IRF7: variants seen among roughly 807,000 people sequenced by gnomAD.
IRF7 encodes the protein interferon regulatory factor 7.
In IRF7, 67 loss-of-function variants were observed where a neutral mutation model predicts 51.3. The observed-to-expected ratio is 1.31, with a 90% CI of 1.07 to 1.60. The LOEUF (loss-of-function observed/expected upper bound fraction) is 1.60. Among genes scored for constraint, IRF7 ranks in the 40% most tolerant of loss-of-function variants. The pLI is 0.00. For missense variants in IRF7, 873 were observed against 701.5 expected (o/e 1.24, Z -2.76); for synonymous variants, 427 against 301.3 (o/e 1.42, Z -4.32).
rs1856574534 is a variant in IRF7 at position 613,507 on chromosome 11, G to A, written c.936C>T (p.Phe312=). 3 of 1,556,828 alleles carry A rather than the reference G, an allele frequency of 1.9e-6. No individual in the cohort carries two copies. In the East Asian group the frequency reaches 6.7e-5, roughly 35 times the overall value. The change falls in exon 9 of 11, where the codon TTC becomes TTT. Residue 312 remains phenylalanine, a synonymous_variant. Transcript: ENST00000525445. ...CAGCTGGGTCTGGGGGGCCGTATAG[G>A]AACGTGCAGCTCGGGTGTCCCACCA... ...QKVVGHPSCT[F]LYGPPDPAVR... is the part of the protein sequence containing the mutation.
At chr11:614,607 C>T in intron 4 of IRF7, 73 bp from the exon 5 acceptor site, 1 of 1,509,710 alleles carries the variant, frequency 6.6e-7, no homozygotes. Flanking sequence ...GGTGTAGCCC[C>T]CACCAGCTTC....
rs1456471746 is a variant in IRF7, at chr11:615,078, G to A, written c.183+19C>T. ...GGCGGGCTCTCCCACCCGGGGCGGG[G>A]CGGGGCTGGGGTCCCCACCTTGAAG... On this transcript the variant is annotated intron_variant, in intron 3 of 10. Coordinates refer to ENST00000525445, the MANE Select transcript of IRF7 (RefSeq NM_001572.5). 18 of 1,567,978 alleles carry A rather than the reference G, an allele frequency of 1.1e-5. No individual in the cohort carries two copies. The highest frequency in any genetic ancestry group is 1.5e-5 in the Non-Finnish European group (18 of 1,163,288).
chr11:613,441 A>C lies in IRF7; in HGVS notation c.1002T>G (p.Pro334=). 2 of 1,554,734 alleles carry C rather than the reference A, an allele frequency of 1.3e-6. No homozygotes were observed. The highest frequency in any genetic ancestry group is 1.7e-6 in the Non-Finnish European group (2 of 1,150,390). The change falls in exon 9 of 11, where the codon CCT becomes CCG. Residue 334 remains proline, a synonymous_variant. Coordinates refer to ENST00000525445, the MANE Select transcript of IRF7 (RefSeq NM_001572.5). ...GCTGCTTCTGGTCCGGGAGCTCGGC[A>C]GGGCTGGGGAATGCTACCTGCTGGG... ...TDPQQVAFPS[P]AELPDQKQLR...
Position 615,145 on chromosome 11 carries a change from C to G in IRF7, c.135G>C (p.Lys45Asn), listed in dbSNP as rs1856764204. The G allele has an allele frequency of 6.2e-7, 1 of 1,603,532 alleles. No individual in the cohort carries two copies. The highest frequency in any genetic ancestry group is 8.5e-7 in the Non-Finnish European group (1 of 1,179,194). ...CGCTCAGGTCCTTGCGCGCGAAGTG[C>G]TTCCAGGGCACGCGGAAACAGGTGC... ...EARTCFRVPW[K>N]HFARKDLSEA... The change falls in exon 3 of 11, where the codon AAG becomes AAC. Residue 45 changes from lysine to asparagine, a missense_variant. Lys to Asn is a moderately conservative substitution (Grantham distance 94, BLOSUM62 0). Transcript: ENST00000525445.
rs57703675 is a variant in IRF7 at position 615,904 on chromosome 11, C to A, written c.-284+9G>T. On this transcript the variant is annotated intron_variant, in intron 1 of 10. Transcript: ENST00000525445. ...GGCCTGCACCGCGTGGGTCTGGGGT[C>A]CCCAGTACCTGGGTGCCAGAGCCGC... 1,451 of 154,234 alleles carry A rather than the reference C, an allele frequency of 9.4e-3. 21 individuals are homozygous for A. The highest frequency in any genetic ancestry group is 0.033 in the African/African-American group (1,373 of 41,640). The allele number at this position is 154,234 out of a possible 1,614,324, so 9.6% of individuals were successfully genotyped here. A position where few individuals can be genotyped will look rare whatever the true frequency, so the allele number is the denominator to read the frequency against.
chr11:612,661 A>C lies in IRF7; in HGVS notation c.1496T>G (p.Leu499Arg), dbSNP rs1339972899. Reference sequence around the variant, plus strand: ...GACTGGGTTCTAGGCGGGCTGCTCCAGCTCCATAAGGAAGCACTCGATGTC... The same window carrying C: ...GACTGGGTTCTAGGCGGGCTGCTCCCGCTCCATAAGGAAGCACTCGATGTC... ...YDDIECFLME[L>R]EQPA The change falls in exon 11 of 11, where the codon CTG (leucine) becomes CGG (arginine). Residue 499 changes from leucine (L) to arginine (R), a missense_variant. Coordinates refer to ENST00000525445, the MANE Select transcript of IRF7 (RefSeq NM_001572.5). 6.2e-7 allele frequency: 1 copy of C among 1,612,948 alleles called. No homozygotes were observed. Among genetic ancestry groups the C allele is most frequent in the Non-Finnish European group, 8.5e-7 (1 of 1,179,998 alleles).
Position 613,463 on chromosome 11 carries a change from T to G in IRF7, c.980A>C (p.Gln327Pro). Reference sequence around the variant, plus strand: ...GGCAGGGCTGGGGAATGCTACCTGCTGGGGGTCTGTGGCCCGGACAGCTGG... The same window carrying G: ...GGCAGGGCTGGGGAATGCTACCTGCGGGGGGTCTGTGGCCCGGACAGCTGG... Reference protein sequence around the residue: ...PDPAVRATDPQQVAFPSPAEL... With the variant: ...PDPAVRATDPPQVAFPSPAEL... Residue 327 changes from glutamine to proline, a missense_variant, in exon 9 of 11, where the codon CAG (glutamine) becomes CCG (proline). Gln to Pro is a moderately conservative substitution (Grantham distance 76, BLOSUM62 -1). Coordinates refer to ENST00000525445, the MANE Select transcript of IRF7 (RefSeq NM_001572.5). 1 of 1,546,848 alleles carries G rather than the reference T, an allele frequency of 6.5e-7. No homozygotes were observed. Among genetic ancestry groups the G allele is most frequent in the Non-Finnish European group, 8.7e-7 (1 of 1,147,696 alleles).
In IRF7 at chr11:615,368, T is replaced by C; in HGVS notation, c.-4A>G. The stretch of plus-strand genomic sequence containing the variant: ...ACCTCTCAGGAGCCAAGGCCATTGC[T>C]CCTTCTGCAGGGGCAGTTAGGTGGC... On this transcript the variant is annotated 5_prime_UTR_variant, in exon 2 of 11. Coordinates refer to ENST00000525445, the MANE Select transcript of IRF7 (RefSeq NM_001572.5). 1 of 1,504,504 alleles carries C rather than the reference T, an allele frequency of 6.6e-7. No homozygotes were observed. Among genetic ancestry groups the C allele is most frequent in the Non-Finnish European group, 8.8e-7 (1 of 1,132,118 alleles). The allele number at this position is 1,504,504 out of a possible 1,614,324, so 93.2% of individuals were successfully genotyped here.
chr11:615,106 G>C lies in IRF7; in HGVS notation c.174C>G (p.Arg58=). 1.3e-6 allele frequency: 2 copies of C among 1,590,194 alleles called. No individual in the cohort carries two copies. Among genetic ancestry groups the C allele is most frequent in the Non-Finnish European group, 1.7e-6 (2 of 1,174,026 alleles). Residue 58 remains arginine (R), a synonymous_variant, in exon 3 of 11, where the codon CGC becomes CGG. Coordinates refer to ENST00000525445, the MANE Select transcript of IRF7 (RefSeq NM_001572.5). ...GGGCTGGGGTCCCCACCTTGAAGATGCGCGCGTCGGCCTCGCTCAGGTCCT... is the reference window on the plus strand; with the variant it reads ...GGGCTGGGGTCCCCACCTTGAAGATCCGCGCGTCGGCCTCGCTCAGGTCCT... ...ARKDLSEADA[R]IFKAWAVARG...
Position 615,487 on chromosome 11 carries a change from A to C in IRF7, c.-123T>G, listed in dbSNP as rs1856791421. On this transcript the variant is annotated 5_prime_UTR_variant, in exon 2 of 11. Transcript: ENST00000525445. Reference sequence around the variant, plus strand: ...GTGTGGCCAGGTGTCACAGGTGTCCACAGGTGTGGACTGAGGGCTTGTAGC... The same window carrying C: ...GTGTGGCCAGGTGTCACAGGTGTCCCCAGGTGTGGACTGAGGGCTTGTAGC... The C allele has an allele frequency of 3.5e-6, 4 of 1,137,708 alleles. No individual in the cohort carries two copies. The highest frequency in any genetic ancestry group is 4.8e-6 in the Non-Finnish European group (4 of 831,000). The allele number at this position is 1,137,708 out of a possible 1,614,324, so 70.5% of individuals were successfully genotyped here.
At position 613,459 on chromosome 11, in the gene IRF7, C is replaced by T. The variant is rs1251519354; in HGVS notation, c.984G>A (p.Gln328=). Residue 328 remains glutamine (Q), a synonymous_variant, in exon 9 of 11, where the codon CAG becomes CAA. Transcript: ENST00000525445. ...GCTCGGCAGGGCTGGGGAATGCTAC[C>T]TGCTGGGGGTCTGTGGCCCGGACAG... ...DPAVRATDPQ[Q]VAFPSPAELP... 4 of 1,548,872 alleles carry T rather than the reference C, an allele frequency of 2.6e-6. No homozygotes were observed. The highest frequency in any genetic ancestry group is 1.2e-5 in the South Asian group (1 of 81,050).
intron 5 of IRF7, 29 bp from the exon 6 acceptor site, chr11:614,428 G>A (rs1452863017): frequency 6.3e-7 from 1 of 1,584,420 alleles, no homozygotes. Flanking sequence ...GTGAACGTAA[G>A]CAGCTCCGCG....
At position 613,804 on chromosome 11, in the gene IRF7, G is replaced by A. The variant is rs774247150; in HGVS notation, c.828C>T (p.Ser276=). Residue 276 remains serine (S), a synonymous_variant, in exon 8 of 11, where the codon AGC becomes AGT. Transcript: ENST00000525445. ...ACTCACCTTGCACCGCGGTGCAGGC[G>A]CTTGGGGAGGGTGACAGGTACGGCT... The part of the protein sequence containing the change: ...QAEPYLSPSP[S]ACTAVQEPSP... 4.8e-5 allele frequency: 75 copies of A among 1,573,114 alleles called. 1 individual carries two copies. In the South Asian group the frequency reaches 7.1e-4, roughly 15 times the overall value.
At position 612,780 on chromosome 11, in the gene IRF7, T is replaced by G; in HGVS notation, c.1377A>C (p.Arg459=). Residue 459 remains arginine, a synonymous_variant, in exon 11 of 11, where the codon CGA becomes CGC. Coordinates refer to ENST00000525445, the MANE Select transcript of IRF7 (RefSeq NM_001572.5). ...CACGCTGCGTGCCCTCTAGGTGCAC[T>G]CGGCACAGCCAGGGTTCCAGCTGCC... ...VLVKLEPWLC[R]VHLEGTQREG... The G allele has an allele frequency of 1.9e-6, 3 of 1,611,078 alleles. No individual in the cohort carries two copies. The highest frequency in any genetic ancestry group is 3.4e-4 in the Middle Eastern group (2 of 5,970).
Position 615,124 on chromosome 11 carries a change from C to T in IRF7, c.156G>A (p.Leu52=), listed in dbSNP as rs1457916379. 2.5e-6 allele frequency: 4 copies of T among 1,600,138 alleles called. No homozygotes were observed. In the East Asian group the frequency reaches 9.0e-5, roughly 36 times the overall value. The part of the protein sequence containing the change: ...VPWKHFARKD[L]SEADARIFKA... ...TGAAGATGCGCGCGTCGGCCTCGCT[C>T]AGGTCCTTGCGCGCGAAGTGCTTCC... Residue 52 remains leucine (L), a synonymous_variant, in exon 3 of 11, where the codon CTG becomes CTA. Coordinates refer to ENST00000525445, the MANE Select transcript of IRF7 (RefSeq NM_001572.5).
Position 613,467 on chromosome 11 carries a change from G to C in IRF7, c.976C>G (p.Pro326Ala). 1.3e-6 allele frequency: 2 copies of C among 1,547,248 alleles called. No individual in the cohort carries two copies. The highest frequency in any genetic ancestry group is 2.0e-5 in the Admixed American group (1 of 49,992). ...GGGCTGGGGAATGCTACCTGCTGGG[G>C]GTCTGTGGCCCGGACAGCTGGGTCT... ...PPDPAVRATD[P>A]QQVAFPSPAE... The change falls in exon 9 of 11, where the codon CCC becomes GCC. Residue 326 changes from proline to alanine, a missense_variant. By Grantham distance (27) the Pro-to-Ala change is conservative. Coordinates refer to ENST00000525445, the MANE Select transcript of IRF7 (RefSeq NM_001572.5).
chr11:614,490 C>A lies in IRF7; in HGVS notation c.439G>T (p.Val147Phe), dbSNP rs765552656. 1.3e-6 allele frequency: 2 copies of A among 1,563,702 alleles called. No individual in the cohort carries two copies. The highest frequency in any genetic ancestry group is 2.3e-5 in the South Asian group (2 of 85,216). The change falls in exon 5 of 11, where the codon GTC (valine) becomes TTC (phenylalanine). Residue 147 changes from valine to phenylalanine, a missense_variant. Coordinates refer to ENST00000525445, the MANE Select transcript of IRF7 (RefSeq NM_001572.5). ...GAGAAGGGTACCTGTGGTGGTGGGA[C>A]AGCTGCGGGGGCCTCTGCCTCAGTC... The part of the protein sequence containing the change: ...DQTEAEAPAA[V>F]PPPQGGPPGP...
At chr11:615,732 C>G (rs1238016922) in intron 1 of IRF7, 85 bp from the exon 2 acceptor site, 3 of 300,104 alleles carry the variant, frequency 1.0e-5, no homozygotes, top group Non-Finnish European at 6.2e-6. Flanking sequence ...GCACCCTCCT[C>G]GATCCCACCC....
In IRF7 at chr11:614,067, G is replaced by T. The variant is rs560697650; in HGVS notation, c.680-30C>A. 2.5e-4 allele frequency: 394 copies of T among 1,588,654 alleles called. 3 individuals carry two copies. The South Asian group carries it at 4.2e-3, about 17-fold the overall frequency. ...GGAGGGGAGGACAGTGGGAACGGTG[G>T]TCCCCTCCTAATTCTCCAGCTCCCC... On this transcript the variant is annotated intron_variant, in intron 6 of 10. Transcript: ENST00000525445.
Sources: gnomAD v4.1 joint callset for allele counts on GRCh38, gnomAD v4.1.1 for gene constraint, MANE v1.5 for transcripts, NCBI Gene and HGNC (gene_info 2026-07-23, HGNC 2026-07-21) for gene names.